Variants in SMAP1 observed in about 807,000 individuals in gnomAD.
SMAP1 encodes stromal membrane-associated protein 1.
A neutral mutation model predicts 58.5 loss-of-function variants in SMAP1; 24 were observed. The observed-to-expected ratio is 0.41, with a 90% CI of 0.30 to 0.58. The LOEUF is 0.58. SMAP1 is among the 20% of genes least tolerant of loss of function. SMAP1 has a pLI of 0.29. For synonymous variants in SMAP1, 216 were observed against 196.6 expected (o/e 1.10, Z -0.82); for missense variants, 563 against 566.3 (o/e 0.99, Z 0.06).
chr6:70,767,339 G>T (rs1002982573), intron 3 of SMAP1, among the ~76,000 whole-genome samples: 4 of 152,118 alleles, frequency 2.6e-5, no homozygotes, highest in African/African-American at 9.7e-5. Flanking sequence ...ACCTTGGGCA[G>T]TATGGCCATT....
intron 1 of SMAP1, among the ~76,000 whole-genome samples, chr6:70,695,523 G>A (rs986361483): frequency 6.6e-6 from 1 of 152,072 alleles, no homozygotes; most frequent in East Asian, 1.9e-4. Context: ...ATCTTTTTCA[G>A]TATCAGTTGA....
At chr6:70,834,371 CAAA>C (rs3034191) in intron 6 of SMAP1, among the ~76,000 whole-genome samples, 3 of 136,340 alleles carry the variant, frequency 2.2e-5, no homozygotes, top group Admixed American at 7.2e-5. Context: ...TAAAATACAC[CAAA>C]AAAAAAAAAA....
chr6:70,762,785 A>T (rs10945245), intron 3 of SMAP1, among the ~76,000 whole-genome samples: 66,094 of 151,830 alleles, frequency 0.44, 14,731 homozygotes, highest in South Asian at 0.5. Context: ...TATAATTTTT[A>T]AAAAATGTAT....
At chr6:70,789,110 T>C (rs1282272556) in intron 4 of SMAP1, among the ~76,000 whole-genome samples, 1 of 152,212 alleles carries the variant, frequency 6.6e-6, no homozygotes, top group East Asian at 1.9e-4. Context: ...TGTCAATATG[T>C]TGATTTCTGT....
chr6:70,727,186 C>A (rs1660966744), intron 1 of SMAP1, among the ~76,000 whole-genome samples: 1 of 152,090 alleles, frequency 6.6e-6, no homozygotes, highest in East Asian at 1.9e-4. Flanking sequence ...CGGCTCACTG[C>A]AACCTCTGCC....
intron 7 of SMAP1, among the ~76,000 whole-genome samples, chr6:70,841,356 A>C (rs1400353827): frequency 6.6e-6 from 1 of 152,140 alleles, no homozygotes; most frequent in Non-Finnish European, 1.5e-5. Context: ...CCACAGTCCT[A>C]CCAGACACAG....
At chr6:70,788,476 A>T (rs1047238552) in intron 4 of SMAP1, among the ~76,000 whole-genome samples, 1 of 151,998 alleles carries the variant, frequency 6.6e-6, no homozygotes, top group African/African-American at 2.4e-5. Flanking sequence ...TAAAATAAAA[A>T]AAAACTTACA....
chr6:70,848,999 C>A (rs1214674749), intron 7 of SMAP1, among the ~76,000 whole-genome samples: 1 of 152,092 alleles, frequency 6.6e-6, no homozygotes, highest in Non-Finnish European at 1.5e-5. Flanking sequence ...GCTGTGAAAT[C>A]CAGAACCCAC....
intron 1 of SMAP1, among the ~76,000 whole-genome samples, chr6:70,725,306 C>T (rs558094107): frequency 5.3e-5 from 8 of 151,586 alleles, no homozygotes; most frequent in Admixed American, 3.9e-4. Context: ...TTAGTAGAGA[C>T]GGGGTTTCAC....
At chr6:70,840,110 G>C (rs556977091) in intron 7 of SMAP1, among the ~76,000 whole-genome samples, 10 of 152,158 alleles carry the variant, frequency 6.6e-5, no homozygotes, top group Non-Finnish European at 1.2e-4. Context: ...GCATATCTCC[G>C]TATGAGTGAG....
At position 70,782,130 on chromosome 6, in the gene SMAP1, T is replaced by G. The variant is rs1582173058; in HGVS notation, c.414+8705T>G. On this transcript the variant is annotated intron_variant, in intron 4 of 10. Transcript: ENST00000370455. ...GACACCACCAATTTCCAGCAAAATT[T>G]TCTAAGGTCAGAGTCTTATACTCTA... Among the ~76,000 whole-genome samples, 5 of 152,352 alleles carry G rather than the reference T, an allele frequency of 3.3e-5. No homozygotes were observed. In the Middle Eastern group the frequency reaches 0.014, roughly 415 times the overall value.
intron 7 of SMAP1, 139 bp from the exon 8 acceptor site, chr6:70,852,401 T>G: frequency 1.3e-6 from 1 of 754,064 alleles, no homozygotes. Flanking sequence ...GGATCGGGGG[T>G]AGGTAGAAGG....
intron 3 of SMAP1, among the ~76,000 whole-genome samples, chr6:70,766,141 A>G (rs953148674): frequency 2.6e-5 from 4 of 152,102 alleles, no homozygotes; most frequent in African/African-American, 4.8e-5. Context: ...AACCCAGTCT[A>G]TCATTGTTGG....
intron 2 of SMAP1, among the ~76,000 whole-genome samples, chr6:70,753,520 A>G (rs1370359122): frequency 1.3e-5 from 2 of 152,122 alleles, no homozygotes; most frequent in Non-Finnish European, 1.5e-5. Flanking sequence ...CATCATTTGA[A>G]TGCTTGAGAT....
At chr6:70,773,186 G>T in intron 3 of SMAP1, 164 bp from the exon 4 acceptor site, 1 of 516,076 alleles carries the variant, frequency 1.9e-6, no homozygotes, top group Non-Finnish European at 3.5e-6. Flanking sequence ...TTAAGAGAAA[G>T]AAAAGTAGTT....
Position 70,861,443 on chromosome 6 carries a change from G to A in SMAP1, c.*1109G>A. Reference sequence around the variant, plus strand: ...AATTTAGTTGTTGTAGAGAAAACATGCAGAACAAATGAAGACAAAACATAC... The same window carrying A: ...AATTTAGTTGTTGTAGAGAAAACATACAGAACAAATGAAGACAAAACATAC... On this transcript the variant is annotated 3_prime_UTR_variant, in exon 11 of 11. Coordinates refer to ENST00000370455, the MANE Select transcript of SMAP1 (RefSeq NM_001044305.3). 1 of 536,168 alleles carries A rather than the reference G, an allele frequency of 1.9e-6. No homozygotes were observed. Among genetic ancestry groups the A allele is most frequent in the Non-Finnish European group, 3.3e-6 (1 of 300,136 alleles). The allele number at this position is 536,168 out of a possible 1,614,324, so 33.2% of individuals were successfully genotyped here.
chr6:70,849,180 G>T (rs1442037967), intron 7 of SMAP1, among the ~76,000 whole-genome samples: 1 of 152,136 alleles, frequency 6.6e-6, no homozygotes. Context: ...GGTTTTTGGG[G>T]GGGTATGAAA....
intron 8 of SMAP1, 107 bp from the exon 9 acceptor site, chr6:70,856,752 A>C: frequency 8.5e-7 from 1 of 1,177,648 alleles, no homozygotes; most frequent in South Asian, 1.9e-5. Flanking sequence ...ACCTTCTACA[A>C]TTGTTTGATT....
chr6:70,761,714 C>A (rs1766754156), intron 3 of SMAP1, among the ~76,000 whole-genome samples: 1 of 151,982 alleles, frequency 6.6e-6, no homozygotes, highest in Non-Finnish European at 1.5e-5. Flanking sequence ...TATGTACCAT[C>A]TACTATTTTA....
Sources: gnomAD v4.1 joint callset for allele counts (sites outside exome capture counted in the v4.1 genomes callset) on GRCh38, gnomAD v4.1.1 for gene constraint, MANE v1.5 for transcripts, NCBI Gene and HGNC (gene_info 2026-07-23, HGNC 2026-07-21) for gene names.